The following RBM27 variants were observed in gnomAD, a reference collection of about 807,000 sequenced individuals.
The protein encoded by RBM27 is RNA binding motif protein 27.
RBM27 carries 22 observed loss-of-function variants against 135.3 expected under a neutral mutation model. The observed-to-expected ratio is 0.16, with a 90% CI of 0.12 to 0.23. The LOEUF (loss-of-function observed/expected upper bound fraction) is 0.23, where lower values mean the gene tolerates loss of function less well. Among genes scored for constraint, RBM27 ranks in the 10% least tolerant of loss-of-function variants. The pLI, the probability that RBM27 is intolerant of heterozygous loss-of-function variation, is 1.00. For missense variants in RBM27, 1,009 were observed against 1,281.0 expected, an observed-to-expected ratio of 0.79 and a Z score of 3.24; for synonymous variants, 481 against 442.4, an observed-to-expected ratio of 1.09 and a Z score of -1.10.
intron 8 of RBM27, among the ~76,000 whole-genome samples, chr5:146,250,663 A>G (rs1757843185): frequency 1.3e-5 from 2 of 150,680 alleles, no homozygotes; most frequent in Admixed American, 6.6e-5. Context: ...GCATTAGCCT[A>G]TATATAAATC....
chr5:146,271,369 G>A (rs4631229), intron 18 of RBM27, 114 bp from the exon 19 acceptor site: 90,518 of 1,000,566 alleles, frequency 0.09, 8,016 homozygotes, highest in African/African-American at 0.42. Flanking sequence ...CATTGCACTC[G>A]AGCCTAGGCA....
At position 146,270,953 on chromosome 5, in the gene RBM27, G is replaced by T; in HGVS notation, c.2692-1G>T. The T allele has an allele frequency of 6.3e-7, 1 of 1,599,978 alleles. No homozygotes were observed. Among genetic ancestry groups the T allele is most frequent in the Non-Finnish European group, 8.5e-7 (1 of 1,170,578 alleles). ...CCTTTTTATTTTCAATTTTTCCAAA[G>T]GCCCAGAAGGAGTTATTAGATACTG... On this transcript the variant is annotated splice_acceptor_variant, in intron 17 of 20. Transcript: ENST00000265271. LOFTEE classifies it high-confidence loss of function.
intron 8 of RBM27, among the ~76,000 whole-genome samples, chr5:146,249,515 G>A (rs1757786246): frequency 6.6e-6 from 1 of 151,526 alleles, no homozygotes; most frequent in Admixed American, 6.6e-5. Context: ...GTGAAACCCC[G>A]TCCCTACTAA....
chr5:146,277,429 A>G (rs1759136343), intron 19 of RBM27, among the ~76,000 whole-genome samples: 2 of 151,730 alleles, frequency 1.3e-5, no homozygotes, highest in Non-Finnish European at 2.9e-5. Context: ...ACAGCCCCCT[A>G]TTGATGAGTT....
At chr5:146,239,119 C>T (rs1264906083) in intron 8 of RBM27, among the ~76,000 whole-genome samples, 1 of 152,190 alleles carries the variant, frequency 6.6e-6, no homozygotes, top group Non-Finnish European at 1.5e-5. Context: ...GTAACACCCA[C>T]CTAATACCTA....
chr5:146,239,472 C>CTTTTTTTTTTTTTTTTTTT (rs916182587), intron 8 of RBM27, among the ~76,000 whole-genome samples: 8 of 55,370 alleles, frequency 1.4e-4, no homozygotes, highest in South Asian at 5.3e-4. Context: ...TTTTCCTTTT[C>CTTTTTTTTTTTTTTTTTTT]TTTTTTTTTT....
At chr5:146,225,971 T>C (rs559540180) in intron 3 of RBM27, among the ~76,000 whole-genome samples, 20 of 151,616 alleles carry the variant, frequency 1.3e-4, no homozygotes, top group African/African-American at 4.4e-4. Context: ...CAGGCGATTA[T>C]TCTGCTTCAG....
At chr5:146,271,819 A>G in intron 19 of RBM27, 145 bp downstream of exon 19, 1 of 674,358 alleles carries the variant, frequency 1.5e-6, no homozygotes, top group Non-Finnish European at 2.4e-6. Context: ...CCTATTTAAT[A>G]TATTTAAAAG....
chr5:146,228,592 A>G (rs1283330867), intron 3 of RBM27, among the ~76,000 whole-genome samples: 1 of 151,688 alleles, frequency 6.6e-6, no homozygotes, highest in African/African-American at 2.4e-5. Context: ...GAGAGGGACC[A>G]TTCTTATTTT....
chr5:146,223,160 A>T (rs1481732593), intron 2 of RBM27, among the ~76,000 whole-genome samples: 2 of 152,082 alleles, frequency 1.3e-5, no homozygotes, highest in African/African-American at 2.4e-5. Context: ...TGGAAATTTG[A>T]GTTGTTTCCG....
At chr5:146,264,761 A>G (rs186571052) in intron 14 of RBM27, among the ~76,000 whole-genome samples, 130 of 152,174 alleles carry the variant, frequency 8.5e-4, no homozygotes, top group African/African-American at 2.7e-3. Flanking sequence ...GAATAGACAG[A>G]CTAGTGGAAC....
chr5:146,259,082 G>A (rs1431899498), intron 11 of RBM27, among the ~76,000 whole-genome samples: 5 of 151,554 alleles, frequency 3.3e-5, no homozygotes, highest in South Asian at 2.1e-4. Context: ...TTTCTAATTC[G>A]TACCTACCTA....
chr5:146,253,048 AGTGCAATGGG>A (rs1757962574), intron 9 of RBM27, among the ~76,000 whole-genome samples: 1 of 151,950 alleles, frequency 6.6e-6, no homozygotes, highest in African/African-American at 2.4e-5. Flanking sequence ...GAGTGCTTGG[AGTGCAATGGG>A]GTGATCTTGG....
intron 8 of RBM27, among the ~76,000 whole-genome samples, chr5:146,241,391 A>G (rs1012761459): frequency 6.6e-6 from 1 of 152,198 alleles, no homozygotes; most frequent in African/African-American, 2.4e-5. Context: ...AAGATATTAG[A>G]TCTCATGTTT....
chr5:146,266,690 C>A (rs916015926), intron 14 of RBM27, among the ~76,000 whole-genome samples: 1 of 152,102 alleles, frequency 6.6e-6, no homozygotes, highest in South Asian at 2.1e-4. Context: ...AATCCTAGCA[C>A]TTTGGGAGGC....
chr5:146,287,697 G>T lies in RBM27; in HGVS notation c.*1667G>T, dbSNP rs1759638920. Reference sequence around the variant, plus strand: ...CTTTATTCTTCTACATGTTTTCCTGGAATGATGTGTCAAACCAGGGTCATT... The same window carrying T: ...CTTTATTCTTCTACATGTTTTCCTGTAATGATGTGTCAAACCAGGGTCATT... On this transcript the variant is annotated 3_prime_UTR_variant, in exon 21 of 21. Transcript: ENST00000265271. 6.6e-6 allele frequency: 1 copy of T among 152,058 alleles called. No homozygotes were observed. The highest frequency in any genetic ancestry group is 1.5e-5 in the Non-Finnish European group (1 of 67,978). The allele number at this position is 152,058 out of a possible 1,614,324, so 9.4% of individuals were successfully genotyped here.
At chr5:146,210,946 CAA>C (rs201750144) in intron 1 of RBM27, among the ~76,000 whole-genome samples, 16 of 108,500 alleles carry the variant, frequency 1.5e-4, no homozygotes, top group Admixed American at 2.0e-4. Flanking sequence ...GACTCCGTCT[CAA>C]AAAAAAAAAA....
At position 146,256,455 on chromosome 5, in the gene RBM27, T is replaced by C. The variant is rs537440742; in HGVS notation, c.1594+1363T>C. 2.6e-5 allele frequency among the ~76,000 whole-genome samples: 4 copies of C among 151,628 alleles called. No individual in the cohort carries two copies. The East Asian group carries it at 7.7e-4, about 29-fold the overall frequency. ...ACCTCCGCCTCCTGGGTTCAAGCGA[T>C]TCTCCCACCTCAGCCTCCTGAGTAG... On this transcript the variant is annotated intron_variant, in intron 10 of 20. Transcript: ENST00000265271.
intron 8 of RBM27, among the ~76,000 whole-genome samples, chr5:146,244,729 T>C (rs1437902943): frequency 6.6e-6 from 1 of 151,432 alleles, no homozygotes; most frequent in Non-Finnish European, 1.5e-5. Flanking sequence ...TTTATAAAGA[T>C]GAGGTCTTTC....
Sources: gnomAD v4.1 joint callset for allele counts (sites outside exome capture counted in the v4.1 genomes callset) on GRCh38, gnomAD v4.1.1 for gene constraint, MANE v1.5 for transcripts, NCBI Gene and HGNC (gene_info 2026-07-23, HGNC 2026-07-21) for gene names.